AMN1: variants seen among roughly 807,000 people sequenced by gnomAD.
The protein encoded by AMN1 is protein AMN1 homolog.
In AMN1, 20 loss-of-function variants were observed where a neutral mutation model predicts 33.0. The ratio of observed to expected loss-of-function variants is 0.61; its 90% CI spans 0.43 to 0.88. The LOEUF (loss-of-function observed/expected upper bound fraction) is 0.88. AMN1 is among the 40% of genes least tolerant of loss of function. The pLI is 0.00. For synonymous variants in AMN1, 114 were observed against 111.9 expected (o/e 1.02, Z -0.12); for missense variants, 246 against 307.4 (o/e 0.80, Z 1.49).
chr12:31,697,044 T>C (rs1417084524), intron 5 of AMN1, among the ~76,000 whole-genome samples: 1 of 152,176 alleles, frequency 6.6e-6, no homozygotes, highest in Non-Finnish European at 1.5e-5. Context: ...AATCCTATTA[T>C]AAATAATATC....
intron 5 of AMN1, among the ~76,000 whole-genome samples, chr12:31,695,161 G>A (rs1938667082): frequency 6.6e-6 from 1 of 151,658 alleles, no homozygotes; most frequent in Non-Finnish European, 1.5e-5. Flanking sequence ...ACTTAGGTTG[G>A]TGCTCTTAAT....
chr12:31,713,399 T>A (rs1448854910), intron 1 of AMN1, among the ~76,000 whole-genome samples: 1 of 152,226 alleles, frequency 6.6e-6, no homozygotes, highest in Non-Finnish European at 1.5e-5. Context: ...CTTCTTTTCA[T>A]TTCTGCAAGT....
At chr12:31,726,452 C>T (rs577972163) in intron 1 of AMN1, among the ~76,000 whole-genome samples, 13 of 152,276 alleles carry the variant, frequency 8.5e-5, no homozygotes, top group African/African-American at 3.1e-4. Context: ...TGAGCCACGG[C>T]CCCCAACTAA....
rs1288887348 is a variant in AMN1 at position 31,671,725 on chromosome 12, GTAA to G, written c.*576_*578del. 6.6e-6 allele frequency: 1 copy of G among 152,202 alleles called. No homozygotes were observed. Among genetic ancestry groups the G allele is most frequent in the African/African-American group, 2.4e-5 (1 of 41,452 alleles). 9.4% of individuals were successfully genotyped at this position (152,202 alleles called of 1,614,324 possible). A position where few individuals can be genotyped will look rare whatever the true frequency, so the allele number is the denominator to read the frequency against. The stretch of plus-strand genomic sequence containing the variant: ...TGGATGTGGCTGGGCAAGAGCCTCT[GTAA>G]TACTAATACGCTGAATGGCTAATAA... On this transcript the variant is annotated 3_prime_UTR_variant, in exon 7 of 7. Transcript: ENST00000281471.
At chr12:31,704,870 A>G (rs1307356113) in intron 2 of AMN1, among the ~76,000 whole-genome samples, 3 of 152,228 alleles carry the variant, frequency 2.0e-5, no homozygotes, top group Non-Finnish European at 4.4e-5. Context: ...CAAAAACCTA[A>G]GTCACTGAAG....
intron 6 of AMN1, among the ~76,000 whole-genome samples, chr12:31,678,766 A>G (rs1372036896): frequency 6.6e-6 from 1 of 152,230 alleles, no homozygotes; most frequent in Non-Finnish European, 1.5e-5. Context: ...AGACATTTTT[A>G]GAGAACACAC....
chr12:31,704,331 G>C (rs77970102), intron 2 of AMN1, among the ~76,000 whole-genome samples: 1 of 151,994 alleles, frequency 6.6e-6, no homozygotes, highest in African/African-American at 2.4e-5. Context: ...TGTTATTGGA[G>C]ATTTGTATTT....
chr12:31,713,900 C>T (rs1039929677), intron 1 of AMN1, among the ~76,000 whole-genome samples: 15 of 151,940 alleles, frequency 9.9e-5, no homozygotes, highest in Admixed American at 2.6e-4. Context: ...TTTATATACT[C>T]GACTGGTTTA....
At chr12:31,720,637 A>G (rs955699746) in intron 1 of AMN1, among the ~76,000 whole-genome samples, 3 of 151,862 alleles carry the variant, frequency 2.0e-5, no homozygotes, top group African/African-American at 7.3e-5. Flanking sequence ...GCTTCCTGTC[A>G]CTATTGATTT....
chr12:31,702,565 T>A (rs993506036), intron 2 of AMN1, among the ~76,000 whole-genome samples: 1 of 151,960 alleles, frequency 6.6e-6, no homozygotes, highest in Non-Finnish European at 1.5e-5. Context: ...TTTCTGTTCT[T>A]TATTTTTTTT....
rs766243835 is a variant in AMN1, at chr12:31,697,884, G to C, written c.390C>G (p.Asp130Glu). Residue 130 changes from aspartate to glutamate, a missense_variant, in exon 4 of 7, where the codon GAC (aspartate) becomes GAG (glutamate). Transcript: ENST00000281471. ...TGAGTGCAAGAGCAACGACTCCTTC[G>C]TCAGTGAGATTGCAGCATCTTTTCA... ...ASLKRCCNLT[D>E]EGVVALALNC... The C allele has an allele frequency of 3.1e-6, 5 of 1,613,984 alleles. No individual in the cohort carries two copies. Among genetic ancestry groups the C allele is most frequent in the Non-Finnish European group, 4.2e-6 (5 of 1,179,876 alleles).
chr12:31,679,535 AAAAG>A (rs1005079627), intron 6 of AMN1, among the ~76,000 whole-genome samples: 4 of 152,146 alleles, frequency 2.6e-5, no homozygotes, highest in African/African-American at 9.7e-5. Flanking sequence ...CATTTCAAAA[AAAAG>A]AACTTGCCTT....
chr12:31,708,303 G>A (rs143084122), intron 2 of AMN1, among the ~76,000 whole-genome samples: 1,706 of 152,220 alleles, frequency 0.011, 30 homozygotes, highest in African/African-American at 0.038. Context: ...GCCACTCTGG[G>A]AGTGTCTGTC....
At chr12:31,689,496 T>C (rs577332391) in intron 5 of AMN1, among the ~76,000 whole-genome samples, 2 of 152,234 alleles carry the variant, frequency 1.3e-5, no homozygotes, top group East Asian at 3.9e-4. Context: ...CAATGCTTTA[T>C]AGAAAACAGC....
At chr12:31,722,697 C>G (rs1339477767) in intron 1 of AMN1, among the ~76,000 whole-genome samples, 1 of 152,132 alleles carries the variant, frequency 6.6e-6, no homozygotes, top group East Asian at 1.9e-4. Context: ...TCCAAGTCAG[C>G]CTGGTTGGTA....
At chr12:31,717,432 T>C (rs191901318) in intron 1 of AMN1, among the ~76,000 whole-genome samples, 2 of 152,384 alleles carry the variant, frequency 1.3e-5, no homozygotes, top group East Asian at 3.9e-4. Context: ...CAAACATTCA[T>C]TGTAATAGAA....
chr12:31,675,023 A>C (rs77785452), intron 6 of AMN1, among the ~76,000 whole-genome samples: 1 of 86,292 alleles, frequency 1.2e-5, no homozygotes, highest in Non-Finnish European at 2.8e-5. Context: ...CCCAGTGTCA[A>C]AAAAAAAAAA....
At chr12:31,676,884 G>A (rs1937738330) in intron 6 of AMN1, among the ~76,000 whole-genome samples, 1 of 151,832 alleles carries the variant, frequency 6.6e-6, no homozygotes, top group South Asian at 2.1e-4. Context: ...TTCCCATGAA[G>A]ATAGAGTATT....
At chr12:31,690,194 A>G in intron 5 of AMN1, among the ~76,000 whole-genome samples, 1 of 152,324 alleles carries the variant, frequency 6.6e-6, no homozygotes, top group African/African-American at 2.4e-5. Context: ...CATTTTTGCA[A>G]TTGCAAATTG....
Sources: gnomAD v4.1 joint callset for allele counts (sites outside exome capture counted in the v4.1 genomes callset) on GRCh38, gnomAD v4.1.1 for gene constraint, MANE v1.5 for transcripts, NCBI Gene and HGNC (gene_info 2026-07-23, HGNC 2026-07-21) for gene names.